The following ANK2 variants were observed in gnomAD, a reference collection of about 807,000 sequenced individuals.
ANK2 encodes ankyrin-2.
In ANK2, 83 loss-of-function variants were observed where a neutral mutation model predicts 360.5. The observed-to-expected ratio is 0.23, with a 90% CI of 0.19 to 0.28. The LOEUF is 0.28. Ranked by LOEUF, ANK2 falls within the 10% of genes least tolerant of loss-of-function variation. ANK2 has a pLI of 1.00. For missense variants in ANK2, 4,201 were observed against 4,795.7 expected (o/e 0.88, Z 3.66); for synonymous variants, 1,740 against 1,759.5 (o/e 0.99, Z 0.28).
At chr4:113,049,253 T>A (rs1306771249), upstream of ANK2, among the ~76,000 whole-genome samples, 1 of 152,198 alleles carries the variant, frequency 6.6e-6, no homozygotes, top group Non-Finnish European at 1.5e-5. Context: ...CCAATCCTTT[T>A]CCTTAAGTAG....
chr4:113,249,118 G>A (rs998673217), intron 9 of ANK2, among the ~76,000 whole-genome samples: 182 of 152,118 alleles, frequency 1.2e-3, no homozygotes, highest in African/African-American at 4.3e-3. Flanking sequence ...ATGGAGTTAG[G>A]GTTCTATTTA....
At chr4:113,084,015 A>G (rs1430778319) in intron 1 of ANK2, among the ~76,000 whole-genome samples, 1 of 152,086 alleles carries the variant, frequency 6.6e-6, no homozygotes, top group East Asian at 1.9e-4. Context: ...CTGATTTGCG[A>G]TTGTTCGGGG....
Position 113,132,781 on chromosome 4 carries a change from A to G in ANK2, c.85-41635A>G, listed in dbSNP as rs2096133952. On this transcript the variant is annotated intron_variant, in intron 1 of 45. Coordinates refer to ENST00000357077, the MANE Select transcript of ANK2 (RefSeq NM_001148.6). Reference sequence around the variant, plus strand: ...TCTCACTCCAGCAGGGGGATACAGCAATGGGGAATTCCAGCAGCCATCTAT... The same window carrying G: ...TCTCACTCCAGCAGGGGGATACAGCGATGGGGAATTCCAGCAGCCATCTAT... Among the ~76,000 whole-genome samples the G allele has an allele frequency of 3.3e-5, 5 of 152,130 alleles. No homozygotes were observed. In the South Asian group the frequency reaches 1.0e-3, roughly 32 times the overall value.
chr4:112,771,629 A>G, the ANK2 span, among the ~76,000 whole-genome samples: 1 of 150,568 alleles, frequency 6.6e-6, no homozygotes, highest in Non-Finnish European at 1.5e-5. Context: ...TCTTTCGCCC[A>G]GGCCGGAGTG....
chr4:112,852,124 C>G (rs1157504931), intron 1 of ANK2, among the ~76,000 whole-genome samples: 1 of 152,154 alleles, frequency 6.6e-6, no homozygotes, highest in Non-Finnish European at 1.5e-5. Flanking sequence ...TTAAGTCTTC[C>G]TCTATTGCTC....
chr4:112,877,341 C>T (rs978821742), intron 1 of ANK2, among the ~76,000 whole-genome samples: 6 of 152,076 alleles, frequency 3.9e-5, no homozygotes, highest in Admixed American at 3.3e-4. Context: ...TACTGCCTTT[C>T]TCTCTCTCTC....
At position 112,860,503 on chromosome 4, in the gene ANK2, T is replaced by C. The variant is rs181101112; in HGVS notation, c.-40+42239T>C. ...GAACACTAGAAAAAAACTGAGAAGA[T>C]TGTTTAGTGCAACCCACCCAGCTAC... On this transcript the variant is annotated intron_variant, in intron 1 of 30. Coordinates refer to the ANK2 transcript ENST00000503271. Among the ~76,000 whole-genome samples the C allele has an allele frequency of 5.2e-3, 795 of 152,220 alleles. 2 individuals are homozygous for C. Among genetic ancestry groups the C allele is most frequent in the Non-Finnish European group, 8.2e-3 (557 of 68,010 alleles).
rs748404965 is a variant in ANK2, at chr4:113,356,723, A to G, written c.8105A>G (p.Asn2702Ser). The G allele has an allele frequency of 3.7e-6, 6 of 1,614,012 alleles. No individual in the cohort carries two copies. The Admixed American group carries it at 5.0e-5, about 13-fold the overall frequency. Residue 2702 changes from asparagine (N) to serine (S), a missense_variant, in exon 38 of 46, where the codon AAT (asparagine) becomes AGT (serine). This residue lies in a region of ANK2 where 2,642 missense variants were observed against 2,714.5 expected (regional missense o/e 0.97). Coordinates refer to ENST00000357077, the MANE Select transcript of ANK2 (RefSeq NM_001148.6). ...CCACTTCCATCAAGCATGGACTCCA[A>G]TTCCAGTCCAGAAGAAGTACAATTC... Reference protein sequence around the residue: ...PSPLPSSMDSNSSPEEVQFQP... With the variant: ...PSPLPSSMDSSSSPEEVQFQP...
At chr4:112,751,292 A>T in the ANK2 span, among the ~76,000 whole-genome samples, 2 of 152,202 alleles carry the variant, frequency 1.3e-5, no homozygotes, top group African/African-American at 2.4e-5. Context: ...CGACCCGTGA[A>T]AGAGAAGAAA....
chr4:112,910,884 A>G (rs1221704604), intron 2 of ANK2, among the ~76,000 whole-genome samples: 1 of 152,122 alleles, frequency 6.6e-6, no homozygotes, highest in Non-Finnish European at 1.5e-5. Flanking sequence ...TGTGCTCCCA[A>G]AATAATTTAT....
In ANK2 at chr4:112,905,409, T is replaced by C. The variant is rs1181884526; in HGVS notation, c.21+895T>C. ...AATCAACTTAGCTTTTTAATAAAAT[T>C]GCAATTTTTAAAGCATTTCTCATTT... On this transcript the variant is annotated intron_variant, in intron 2 of 30. Coordinates refer to the ANK2 transcript ENST00000503271. 8.5e-5 allele frequency among the ~76,000 whole-genome samples: 13 copies of C among 152,202 alleles called. 1 individual carries two copies. The East Asian group carries it at 2.3e-3, about 27-fold the overall frequency.
At chr4:113,111,266 A>C (rs2154365727) in intron 1 of ANK2, among the ~76,000 whole-genome samples, 1 of 152,324 alleles carries the variant, frequency 6.6e-6, no homozygotes, top group East Asian at 1.9e-4. Context: ...TGACACATCT[A>C]GTTGACACTG....
At chr4:112,830,077 T>C (rs34863541) in intron 1 of ANK2, among the ~76,000 whole-genome samples, 70,554 of 151,922 alleles carry the variant, frequency 0.46, 17,355 homozygotes, top group East Asian at 0.9. Context: ...TCAGCCACTA[T>C]GGAAAGCAGT....
At chr4:113,349,600 A>G (rs545600176) in intron 36 of ANK2, among the ~76,000 whole-genome samples, 26 of 152,256 alleles carry the variant, frequency 1.7e-4, no homozygotes, top group Non-Finnish European at 2.6e-4. Flanking sequence ...TCAACTGCAC[A>G]GTCACTCTTT....
At chr4:113,360,942 T>C (rs1435255378) in intron 39 of ANK2, 45 bp downstream of exon 39, 1 of 1,516,304 alleles carries the variant, frequency 6.6e-7, no homozygotes, top group African/African-American at 1.4e-5. Flanking sequence ...CTGACATAGA[T>C]GCATCAGTCA....
chr4:113,292,285 T>A (rs1303320131), intron 20 of ANK2, 131 bp from the exon 21 acceptor site: 2 of 850,246 alleles, frequency 2.4e-6, no homozygotes, highest in African/African-American at 3.3e-5. Flanking sequence ...GGGTTGCTGA[T>A]CATCTTGGGC....
chr4:112,875,814 C>T (rs1007118177), intron 1 of ANK2, among the ~76,000 whole-genome samples: 2 of 152,032 alleles, frequency 1.3e-5, no homozygotes, highest in African/African-American at 4.8e-5. Context: ...TCATAGCTCA[C>T]TGCAGCAGCC....
chr4:112,900,405 A>C (rs2082975996), intron 1 of ANK2, among the ~76,000 whole-genome samples: 1 of 152,028 alleles, frequency 6.6e-6, no homozygotes, highest in Non-Finnish European at 1.5e-5. Context: ...TGGTCTGTAC[A>C]TTGCTTTCGG....
chr4:113,018,168 C>T (rs72896454), intron 2 of ANK2, among the ~76,000 whole-genome samples: 1,727 of 152,316 alleles, frequency 0.011, 31 homozygotes, highest in African/African-American at 0.039. Flanking sequence ...AACCACTGTT[C>T]TGTAGCCGGA....
Sources: gnomAD v4.1 joint callset for allele counts (sites outside exome capture counted in the v4.1 genomes callset) on GRCh38, gnomAD v4.1.1 for gene constraint, gnomAD v4.1.1 regional missense constraint, MANE v1.5 for transcripts, NCBI Gene and HGNC (gene_info 2026-07-23, HGNC 2026-07-21) for gene names.